The following AGBL1 variants were observed in gnomAD, a reference collection of about 807,000 sequenced individuals.
The protein encoded by AGBL1 is cytosolic carboxypeptidase 4.
AGBL1 carries 130 observed loss-of-function variants against 118.9 expected under a neutral mutation model. The ratio of observed to expected loss-of-function variants is 1.09; its 90% CI spans 0.95 to 1.26. The LOEUF (loss-of-function observed/expected upper bound fraction) is 1.26. Ranked by LOEUF, AGBL1 falls within the 50% of genes most tolerant of loss-of-function variation. The probability of loss-of-function intolerance (pLI) is 0.00; values close to 1 mark genes in which losing one functional copy is unlikely to be tolerated. For synonymous variants in AGBL1, 555 were observed against 478.9 expected, an observed-to-expected ratio of 1.16 and a Z score of -2.08; for missense variants, 1,584 against 1,298.1, an observed-to-expected ratio of 1.22 and a Z score of -3.38.
At chr15:86,808,860 T>A (rs1647462377) in intron 22 of AGBL1, among the ~76,000 whole-genome samples, 1 of 152,022 alleles carries the variant, frequency 6.6e-6, no homozygotes, top group South Asian at 2.1e-4. Context: ...TCTGCTTTCC[T>A]TATCATTGGC....
At chr15:86,593,670 C>G (rs190100692) in intron 21 of AGBL1, among the ~76,000 whole-genome samples, 4 of 152,230 alleles carry the variant, frequency 2.6e-5, no homozygotes, top group Admixed American at 2.6e-4. Flanking sequence ...TAAGTTTTGT[C>G]AAAGTATATA....
At chr15:86,906,370 C>G (rs904388383) in intron 22 of AGBL1, among the ~76,000 whole-genome samples, 1 of 152,186 alleles carries the variant, frequency 6.6e-6, no homozygotes, top group East Asian at 1.9e-4. Flanking sequence ...CTGGTCAACC[C>G]CTGTTGATCT....
chr15:86,196,879 G>GCGCGCACACA (rs756313941), intron 5 of AGBL1, among the ~76,000 whole-genome samples: 128 of 117,004 alleles, frequency 1.1e-3, no homozygotes, highest in Middle Eastern at 9.3e-3. Context: ...GCGCGCGCGC[G>GCGCGCACACA]CACACACACA....
In AGBL1 at chr15:86,418,532, C is replaced by T. The variant is rs549827821; in HGVS notation, c.2555+20986C>T. Among the ~76,000 whole-genome samples, 32 of 152,284 alleles carry T rather than the reference C, an allele frequency of 2.1e-4. No individual in the cohort carries two copies. In the East Asian group the frequency reaches 5.8e-3, roughly 28 times the overall value. On this transcript the variant is annotated intron_variant, in intron 18 of 22. Transcript: ENST00000614907. Reference sequence around the variant, plus strand: ...GACCCCATATTTCCCTGTTAATATGCTCCAGAATTTTGCTGAAGATCAGTG... The same window carrying T: ...GACCCCATATTTCCCTGTTAATATGTTCCAGAATTTTGCTGAAGATCAGTG...
At chr15:86,851,029 G>T (rs964061466) in intron 22 of AGBL1, among the ~76,000 whole-genome samples, 1 of 152,038 alleles carries the variant, frequency 6.6e-6, no homozygotes, top group African/African-American at 2.4e-5. Flanking sequence ...GAGGCTTTTT[G>T]GTCAATTATT....
intron 22 of AGBL1, among the ~76,000 whole-genome samples, chr15:86,742,282 C>T (rs772120822): frequency 6.6e-6 from 1 of 152,088 alleles, no homozygotes; most frequent in Non-Finnish European, 1.5e-5. Context: ...ATGGCTTTTC[C>T]AGACATTTTG....
At chr15:86,839,420 C>T (rs1371441308) in intron 22 of AGBL1, among the ~76,000 whole-genome samples, 2 of 152,206 alleles carry the variant, frequency 1.3e-5, no homozygotes, top group Admixed American at 6.5e-5. Context: ...CTGCATATTT[C>T]TTATTGGATC....
intron 5 of AGBL1, among the ~76,000 whole-genome samples, chr15:86,196,906 C>CACACAG (rs1555446511): frequency 2.0e-5 from 3 of 151,540 alleles, no homozygotes; most frequent in African/African-American, 7.3e-5. Flanking sequence ...CACACACACA[C>CACACAG]ACACACACAC....
chr15:86,617,788 A>G (rs1195355712), intron 21 of AGBL1, among the ~76,000 whole-genome samples: 1 of 151,870 alleles, frequency 6.6e-6, no homozygotes, highest in Non-Finnish European at 1.5e-5. Context: ...ACACACACAC[A>G]CACACAGCCA....
chr15:86,232,947 A>C (rs2078480362), intron 6 of AGBL1, among the ~76,000 whole-genome samples: 1 of 152,188 alleles, frequency 6.6e-6, no homozygotes, highest in East Asian at 1.9e-4. Flanking sequence ...TGCACTGAAT[A>C]ATGACTATCA....
intron 18 of AGBL1, among the ~76,000 whole-genome samples, chr15:86,415,197 C>A (rs989888413): frequency 2.0e-4 from 30 of 152,130 alleles, no homozygotes; most frequent in Non-Finnish European, 1.0e-4. Context: ...CACCAATGAT[C>A]CGTTCTTGAA....
chr15:86,563,819 A>G (rs11073646), intron 21 of AGBL1, among the ~76,000 whole-genome samples: 9 of 151,890 alleles, frequency 5.9e-5, no homozygotes, highest in Non-Finnish European at 8.8e-5. Context: ...GTGCTCCTGT[A>G]TTGGGTGCAT....
intron 23 of AGBL1, among the ~76,000 whole-genome samples, chr15:86,984,799 T>C (rs1458784047): frequency 6.6e-6 from 1 of 152,158 alleles, no homozygotes; most frequent in Non-Finnish European, 1.5e-5. Flanking sequence ...TAAAAAAATA[T>C]CCATTTACAA....
intron 24 of AGBL1, among the ~76,000 whole-genome samples, chr15:87,003,146 C>T (rs1169903117): frequency 3.9e-5 from 6 of 151,962 alleles, no homozygotes; most frequent in African/African-American, 4.8e-5. Flanking sequence ...TTTTCAGATA[C>T]GTCCCTTCAA....
chr15:86,257,918 G>C (rs1453946008), intron 8 of AGBL1, 46 bp from the exon 9 acceptor site: 2 of 1,590,064 alleles, frequency 1.3e-6, no homozygotes, highest in African/African-American at 1.3e-5. Context: ...CTAAATCCCG[G>C]GCAAAGGGGA....
intron 21 of AGBL1, among the ~76,000 whole-genome samples, chr15:86,668,161 T>C (rs1192372181): frequency 6.6e-6 from 1 of 152,104 alleles, no homozygotes; most frequent in Non-Finnish European, 1.5e-5. Flanking sequence ...ACCAAACACC[T>C]CCCACCAGAC....
chr15:86,859,962 G>A (rs1216694461), intron 22 of AGBL1, among the ~76,000 whole-genome samples: 1 of 152,148 alleles, frequency 6.6e-6, no homozygotes, highest in Admixed American at 6.5e-5. Context: ...GTTAGCCAGA[G>A]GATTAAATCT....
intron 21 of AGBL1, among the ~76,000 whole-genome samples, chr15:86,653,065 A>G (rs1335515739): frequency 6.6e-6 from 1 of 152,174 alleles, no homozygotes; most frequent in East Asian, 1.9e-4. Context: ...GAGAATGTAT[A>G]TTCATTTTAT....
At chr15:86,796,814 C>G (rs914101042) in intron 22 of AGBL1, among the ~76,000 whole-genome samples, 4 of 152,334 alleles carry the variant, frequency 2.6e-5, no homozygotes, top group African/African-American at 9.6e-5. Flanking sequence ...GCGATACTGT[C>G]TGGCTCTTTA....
Sources: gnomAD v4.1 joint callset for allele counts (sites outside exome capture counted in the v4.1 genomes callset) on GRCh38, gnomAD v4.1.1 for gene constraint, MANE v1.5 for transcripts, NCBI Gene and HGNC (gene_info 2026-07-23, HGNC 2026-07-21) for gene names.